Variants in PSD2 observed in about 807,000 individuals in gnomAD.
PSD2 encodes PH and SEC7 domain-containing protein 2.
A neutral mutation model predicts 69.8 loss-of-function variants in PSD2; 38 were observed. The observed-to-expected ratio is 0.54, with a 90% CI of 0.42 to 0.71. The LOEUF is 0.71. PSD2 is among the 30% of genes least tolerant of loss of function. The pLI is 0.00. For missense variants in PSD2, 943 were observed against 1,014.5 expected (o/e 0.93, Z 0.96); for synonymous variants, 412 against 423.0 (o/e 0.97, Z 0.32).
chr5:139,748,323 G>A, the PSD2 span, among the ~76,000 whole-genome samples: 4 of 152,060 alleles, frequency 2.6e-5, no homozygotes, highest in African/African-American at 4.8e-5. Context: ...TCCCCGCTAT[G>A]TGCCTAAAAT....
At position 139,814,145 on chromosome 5, in the gene PSD2, T is replaced by C. The variant is rs376413015; in HGVS notation, c.822-25T>C. 1.9e-6 allele frequency: 3 copies of C among 1,607,630 alleles called. No individual in the cohort carries two copies. The highest frequency in any genetic ancestry group is 2.5e-6 in the Non-Finnish European group (3 of 1,177,768). On this transcript the variant is annotated intron_variant, in intron 3 of 14. Transcript: ENST00000274710. The surrounding 1 kb of genome is among the most constrained non-coding windows in gnomAD (Gnocchi z 4.4). ...TTTGACCCTGGGCCTCTGACGCTAC[T>C]CTTCCACCCACCTTCCATCTGCAGT...
At chr5:139,774,647 C>T in the PSD2 span, among the ~76,000 whole-genome samples, 18 of 152,126 alleles carry the variant, frequency 1.2e-4, no homozygotes, top group Non-Finnish European at 1.2e-4. Flanking sequence ...CCCACCACCA[C>T]GCCCGGCTAA....
intron 4 of PSD2, among the ~76,000 whole-genome samples, chr5:139,815,752 G>C (rs1231714243): frequency 2.0e-5 from 3 of 152,174 alleles, no homozygotes; most frequent in Non-Finnish European, 4.4e-5. Flanking sequence ...CCAGCACTTT[G>C]GGAGGCCGAG....
chr5:139,743,755 T>C, the PSD2 span: 28,072 of 152,308 alleles, frequency 0.18, 3,259 homozygotes, highest in African/African-American at 0.34. Context: ...TGAAATCCCC[T>C]GGACTGCATT....
At chr5:139,761,230 G>T in the PSD2 span, among the ~76,000 whole-genome samples, 2 of 152,180 alleles carry the variant, frequency 1.3e-5, no homozygotes, top group Non-Finnish European at 2.9e-5. Context: ...TGTGATGTCA[G>T]CCCATTTTAC....
the PSD2 span, among the ~76,000 whole-genome samples, chr5:139,781,624 G>A: frequency 1.2e-4 from 18 of 147,356 alleles, no homozygotes; most frequent in Admixed American, 2.7e-4. Flanking sequence ...TGTGAGCCAC[G>A]GCGCCTGGCC....
At chr5:139,834,492 G>T (rs560429949) in intron 8 of PSD2, among the ~76,000 whole-genome samples, 1 of 151,090 alleles carries the variant, frequency 6.6e-6, no homozygotes, top group African/African-American at 2.4e-5. Flanking sequence ...TAGAGCTGGG[G>T]ATCTCACTAT....
chr5:139,763,932 C>G, the PSD2 span, among the ~76,000 whole-genome samples: 1 of 152,320 alleles, frequency 6.6e-6, no homozygotes, highest in Admixed American at 6.5e-5. Flanking sequence ...TTCGGAAATT[C>G]TCCAGCAAAG....
At chr5:139,754,490 C>A in the PSD2 span, among the ~76,000 whole-genome samples, 1 of 151,004 alleles carries the variant, frequency 6.6e-6, no homozygotes, top group African/African-American at 2.4e-5. Flanking sequence ...CTCAGGAGTT[C>A]GAGCTCCAGC....
intron 4 of PSD2, among the ~76,000 whole-genome samples, chr5:139,817,068 C>T (rs1760139020): frequency 1.3e-5 from 2 of 152,224 alleles, no homozygotes; most frequent in Admixed American, 6.5e-5. Flanking sequence ...ACAGACTGAC[C>T]ATCCCTGCTT....
chr5:139,799,100 T>C (rs1281142179), intron 1 of PSD2, among the ~76,000 whole-genome samples: 1 of 152,168 alleles, frequency 6.6e-6, no homozygotes, highest in African/African-American at 2.4e-5. Flanking sequence ...ATAGATGATG[T>C]CATGTCCTTC....
chr5:139,770,565 CA>C, the PSD2 span, among the ~76,000 whole-genome samples: 2 of 151,916 alleles, frequency 1.3e-5, no homozygotes, highest in Non-Finnish European at 2.9e-5. Flanking sequence ...GACTCCGTGT[CA>C]AAAAAACAAA....
At chr5:139,799,782 CG>C (rs986705142) in intron 1 of PSD2, among the ~76,000 whole-genome samples, 2 of 151,656 alleles carry the variant, frequency 1.3e-5, no homozygotes, top group Non-Finnish European at 2.9e-5. Flanking sequence ...TGGGGGGTAT[CG>C]GAGAAGGGGA....
the PSD2 span, among the ~76,000 whole-genome samples, chr5:139,760,290 CCT>C: frequency 1.3e-5 from 2 of 152,200 alleles, no homozygotes; most frequent in Non-Finnish European, 2.9e-5. Context: ...GTTGATGGAA[CCT>C]CTCTGAGTCT....
chr5:139,783,603 G>A, the PSD2 span, among the ~76,000 whole-genome samples: 1 of 152,198 alleles, frequency 6.6e-6, no homozygotes, highest in Non-Finnish European at 1.5e-5. Flanking sequence ...CTGCTCTGAA[G>A]TTTATGAATT....
chr5:139,814,414 C>T lies in PSD2; in HGVS notation c.1016+50C>T. 1.3e-6 allele frequency: 2 copies of T among 1,513,126 alleles called. No individual in the cohort carries two copies. The highest frequency in any genetic ancestry group is 1.8e-6 in the Non-Finnish European group (2 of 1,127,812). The allele number at this position is 1,513,126 out of a possible 1,614,324, so 93.7% of individuals were successfully genotyped here. On this transcript the variant is annotated intron_variant, in intron 4 of 14. Coordinates refer to ENST00000274710, the MANE Select transcript of PSD2 (RefSeq NM_032289.4). The surrounding 1 kb of genome is among the most constrained non-coding windows in gnomAD (Gnocchi z 4.4). ...AACCCTGGGCAAACCTCGTGTCTTCCTCAACCTGAAGAGGGTGTGGGTGAC... is the reference window on the plus strand; with the variant it reads ...AACCCTGGGCAAACCTCGTGTCTTCTTCAACCTGAAGAGGGTGTGGGTGAC...
chr5:139,809,448 A>G lies in PSD2; in HGVS notation c.8A>G (p.Glu3Gly), dbSNP rs1188073031. 2 of 1,610,832 alleles carry G rather than the reference A, an allele frequency of 1.2e-6. No homozygotes were observed. Among genetic ancestry groups the G allele is most frequent in the African/African-American group, 2.7e-5 (2 of 74,850 alleles). MEEDKLLSAVPEE... is the reference protein window; with the variant it reads MEGDKLLSAVPEE... ...GCGGAAGCAGTGGCTGCCATGGAGG[A>G]GGACAAGCTCTTATCTGCAGTGCCT... Residue 3 changes from glutamate (E) to glycine (G), a missense_variant, in exon 2 of 15, where the codon GAG (glutamate) becomes GGG (glycine). Physicochemically the swap from Glu to Gly is moderately conservative, Grantham distance 98. Coordinates refer to ENST00000274710, the MANE Select transcript of PSD2 (RefSeq NM_032289.4).
At chr5:139,819,515 G>C (rs902887178) in intron 5 of PSD2, among the ~76,000 whole-genome samples, 3 of 152,200 alleles carry the variant, frequency 2.0e-5, no homozygotes, top group Non-Finnish European at 2.9e-5. Flanking sequence ...AAGTGGCCAT[G>C]TGTTTACAGC....
intron 1 of PSD2, among the ~76,000 whole-genome samples, chr5:139,801,594 C>T (rs998857494): frequency 2.0e-5 from 3 of 152,108 alleles, no homozygotes; most frequent in African/African-American, 7.2e-5. Context: ...GCTCTCTCCC[C>T]CATCTCCACT....
Sources: allele counts gnomAD v4.1 joint callset (sites outside exome capture counted in the v4.1 genomes callset), GRCh38; gene constraint gnomAD v4.1.1; non-coding constraint Gnocchi (gnomAD v3.1); transcripts MANE v1.5; gene names NCBI Gene and HGNC (gene_info 2026-07-23, HGNC 2026-07-21).